CFDP1: variants seen among roughly 807,000 people sequenced by gnomAD.
CFDP1 encodes the protein heterochromatin-stabilizing protein CFDP1.
A neutral mutation model predicts 40.1 loss-of-function variants in CFDP1; 31 were observed. That is an observed-to-expected ratio of 0.77 (90% confidence interval 0.58 to 1.04). The LOEUF is 1.04. Ranked by LOEUF, CFDP1 falls within the 50% of genes least tolerant of loss-of-function variation. The probability of loss-of-function intolerance (pLI) is 0.00; values close to 1 mark genes in which losing one functional copy is unlikely to be tolerated. For synonymous variants in CFDP1, 167 were observed against 120.0 expected, an observed-to-expected ratio of 1.39 and a Z score of -2.56; for missense variants, 423 against 343.4, an observed-to-expected ratio of 1.23 and a Z score of -1.83.
In CFDP1 at chr16:75,414,561, C is replaced by T. The variant is rs766651080; in HGVS notation, c.182+17G>A. 2.3e-5 allele frequency: 35 copies of T among 1,519,400 alleles called. No homozygotes were observed. Among genetic ancestry groups the T allele is most frequent in the Non-Finnish European group, 2.7e-5 (30 of 1,094,016 alleles). 94.1% of individuals were successfully genotyped at this position (1,519,400 alleles called of 1,614,324 possible). A position where few individuals can be genotyped will look rare whatever the true frequency, so the allele number is the denominator to read the frequency against. On this transcript the variant is annotated intron_variant, in intron 2 of 6. Transcript: ENST00000283882. The stretch of plus-strand genomic sequence containing the variant: ...ACAATAGCCCCTAACTTCTAAGGGC[C>T]TTGAAGGCAGCATCACCTGGCTGGA...
intron 1 of CFDP1, among the ~76,000 whole-genome samples, chr16:75,415,018 G>A (rs145721528): frequency 6.6e-5 from 10 of 152,226 alleles, no homozygotes; most frequent in East Asian, 5.8e-4. Flanking sequence ...TGACTTTTAA[G>A]TATTCACTAA....
At chr16:75,401,456 TG>T (rs1479091261) in intron 4 of CFDP1, among the ~76,000 whole-genome samples, 2 of 141,290 alleles carry the variant, frequency 1.4e-5, no homozygotes, top group Non-Finnish European at 3.1e-5. Context: ...AAAAATTAGC[TG>T]GGCGTGGTAG....
intron 4 of CFDP1, among the ~76,000 whole-genome samples, chr16:75,407,877 G>T (rs2079116461): frequency 6.6e-6 from 1 of 152,038 alleles, no homozygotes; most frequent in Non-Finnish European, 1.5e-5. Context: ...GGAGGTGAAG[G>T]CAGGAGGATC....
At chr16:75,428,602 G>A (rs888622173) in intron 1 of CFDP1, among the ~76,000 whole-genome samples, 5 of 150,936 alleles carry the variant, frequency 3.3e-5, no homozygotes, top group African/African-American at 1.2e-4. Context: ...GGGTGACAGA[G>A]CTATACTCCA....
intron 5 of CFDP1, among the ~76,000 whole-genome samples, chr16:75,393,337 TA>T (rs749401013): frequency 6.6e-6 from 1 of 152,142 alleles, no homozygotes; most frequent in African/African-American, 2.4e-5. Context: ...GACATGCACT[TA>T]AACCTTTATC....
chr16:75,433,226 G>C, intron 1 of CFDP1, 63 bp downstream of exon 1: 2 of 1,465,090 alleles, frequency 1.4e-6, no homozygotes, highest in South Asian at 1.2e-5. Flanking sequence ...CGGGGGCAGA[G>C]CGCGCCTCAC....
intron 5 of CFDP1, among the ~76,000 whole-genome samples, chr16:75,385,513 CTCTT>C (rs1258913550): frequency 6.6e-6 from 1 of 150,954 alleles, no homozygotes; most frequent in Non-Finnish European, 1.5e-5. Context: ...AAAATCATTT[CTCTT>C]TCTAAGCACA....
chr16:75,321,141 A>T (rs2078360352), intron 5 of CFDP1, among the ~76,000 whole-genome samples: 2 of 152,076 alleles, frequency 1.3e-5, no homozygotes, highest in African/African-American at 4.8e-5. Flanking sequence ...TATTATTATT[A>T]TTTTTACAAG....
chr16:75,369,202 G>A (rs1039819205), intron 5 of CFDP1, among the ~76,000 whole-genome samples: 2 of 151,930 alleles, frequency 1.3e-5, no homozygotes, highest in Non-Finnish European at 1.5e-5. Flanking sequence ...GACTGATTTC[G>A]TCAGGCATAG....
rs117171078 is a variant in CFDP1 at position 75,303,808 on chromosome 16, G to A, written c.809+1216C>T. ...ACAACCACATAGTGAGGATGGTATC[G>A]TTATCCCAGTTTTATTGGTAAAGGA... On this transcript the variant is annotated intron_variant, in intron 6 of 6. Transcript: ENST00000283882. Among the ~76,000 whole-genome samples the A allele has an allele frequency of 2.4e-3, 362 of 152,266 alleles. 1 individual carries two copies. Among genetic ancestry groups the A allele is most frequent in the Middle Eastern group, 6.8e-3 (2 of 294 alleles).
chr16:75,417,161 C>T (rs1399986931), intron 1 of CFDP1, among the ~76,000 whole-genome samples: 1 of 151,902 alleles, frequency 6.6e-6, no homozygotes, highest in Admixed American at 6.6e-5. Context: ...ACAGTGAGAC[C>T]CTGTCTCAAA....
At chr16:75,296,212 T>C (rs2078181017) in intron 6 of CFDP1, among the ~76,000 whole-genome samples, 1 of 152,150 alleles carries the variant, frequency 6.6e-6, no homozygotes. Flanking sequence ...AAGGAGTAAG[T>C]ATGTGGCTTT....
intron 1 of CFDP1, among the ~76,000 whole-genome samples, chr16:75,422,677 G>A (rs988236967): frequency 5.9e-5 from 9 of 151,896 alleles, no homozygotes; most frequent in East Asian, 1.9e-4. Context: ...TTACAGGTCA[G>A]AGCCACCACA....
At chr16:75,382,641 G>A (rs1271209908) in intron 5 of CFDP1, among the ~76,000 whole-genome samples, 3 of 152,342 alleles carry the variant, frequency 2.0e-5, no homozygotes, top group Non-Finnish European at 4.4e-5. Context: ...AAACATGGCT[G>A]AAAAGCAGAC....
Position 75,417,095 on chromosome 16 carries a change from C to A in CFDP1, c.65-2400G>T, listed in dbSNP as rs564715856. 1.7e-4 allele frequency among the ~76,000 whole-genome samples: 26 copies of A among 152,112 alleles called. No individual in the cohort carries two copies. The South Asian group carries it at 5.0e-3, about 29-fold the overall frequency. ...GGCTAAGGGGAGGATCACTTGAACC[C>A]AGGAGGTCAAGGCTGAAGTGAGCCA... On this transcript the variant is annotated intron_variant, in intron 1 of 6. Coordinates refer to ENST00000283882, the MANE Select transcript of CFDP1 (RefSeq NM_006324.3).
At chr16:75,334,865 G>A (rs1461317831) in intron 5 of CFDP1, among the ~76,000 whole-genome samples, 2 of 151,908 alleles carry the variant, frequency 1.3e-5, no homozygotes, top group African/African-American at 4.8e-5. Context: ...TGAGGCACAA[G>A]AATCGTTTGA....
chr16:75,323,636 G>C (rs181175337), intron 5 of CFDP1, among the ~76,000 whole-genome samples: 1 of 151,940 alleles, frequency 6.6e-6, no homozygotes, highest in Non-Finnish European at 1.5e-5. Context: ...CAAATTTGCC[G>C]GGCCTGGTGG....
intron 4 of CFDP1, among the ~76,000 whole-genome samples, chr16:75,396,790 C>A (rs1231331572): frequency 6.6e-6 from 1 of 151,090 alleles, no homozygotes; most frequent in Non-Finnish European, 1.5e-5. Flanking sequence ...AATGTTTAAT[C>A]CCTGCCCAGG....
rs1346352523 is a variant in CFDP1 at position 75,433,277 on chromosome 16, G to A, written c.64+12C>T. On this transcript the variant is annotated intron_variant, in intron 1 of 6. Coordinates refer to ENST00000283882, the MANE Select transcript of CFDP1 (RefSeq NM_006324.3). ...GGGCAATTCGCTTCTCGCCTCAGGCGGAATCGCTCACCCGACGGCACGTAG... is the reference window on the plus strand; with the variant it reads ...GGGCAATTCGCTTCTCGCCTCAGGCAGAATCGCTCACCCGACGGCACGTAG... 2.5e-6 allele frequency: 4 copies of A among 1,593,846 alleles called. No homozygotes were observed. The highest frequency in any genetic ancestry group is 3.4e-6 in the Non-Finnish European group (4 of 1,172,334).
Sources: gnomAD v4.1 joint callset for allele counts (sites outside exome capture counted in the v4.1 genomes callset) on GRCh38, gnomAD v4.1.1 for gene constraint, MANE v1.5 for transcripts, NCBI Gene and HGNC (gene_info 2026-07-23, HGNC 2026-07-21) for gene names.